The following NFIA variants were observed in gnomAD, a reference collection of about 807,000 sequenced individuals.
NFIA encodes the protein nuclear factor 1 A-type.
Under a neutral mutation model 62.8 loss-of-function variants are expected in NFIA, and 8 were observed. The observed-to-expected ratio is 0.13, with a 90% confidence interval of 0.07 to 0.23. NFIA has a LOEUF of 0.23. Ranked by LOEUF, NFIA falls within the 10% of genes least tolerant of loss-of-function variation. NFIA has a pLI of 1.00. For missense variants in NFIA, 410 were observed against 642.1 expected (o/e 0.64, Z 3.91); for synonymous variants, 235 against 238.1 (o/e 0.99, Z 0.12).
intron 2 of NFIA, among the ~76,000 whole-genome samples, chr1:61,153,352 A>G (rs921516664): frequency 6.6e-6 from 1 of 152,182 alleles, no homozygotes; most frequent in Non-Finnish European, 1.5e-5. Flanking sequence ...TTTTGTTGCT[A>G]TACTAAGGGT....
intron 6 of NFIA, among the ~76,000 whole-genome samples, chr1:61,359,560 TTTTTGTTTGTTTTG>T (rs1454295475): frequency 6.6e-6 from 1 of 152,204 alleles, no homozygotes; most frequent in Non-Finnish European, 1.5e-5. Context: ...GCTTTTGGTT[TTTTTGTTTGTTTTG>T]TTTTGTTTGT....
At chr1:61,397,951 T>G (rs550498262) in intron 7 of NFIA, among the ~76,000 whole-genome samples, 13 of 152,226 alleles carry the variant, frequency 8.5e-5, no homozygotes, top group Non-Finnish European at 8.8e-5. Flanking sequence ...GTGACCAGAT[T>G]GCTTTGGAAA....
At chr1:61,093,112 T>C (rs2100422388) in intron 2 of NFIA, among the ~76,000 whole-genome samples, 1 of 152,328 alleles carries the variant, frequency 6.6e-6, no homozygotes, top group South Asian at 2.1e-4. Context: ...TTTAGGTAAC[T>C]TCCTACATTA....
At chr1:61,120,515 A>G (rs1451774451) in intron 2 of NFIA, among the ~76,000 whole-genome samples, 1 of 152,204 alleles carries the variant, frequency 6.6e-6, no homozygotes, top group Non-Finnish European at 1.5e-5. Context: ...CACTTATTTC[A>G]TGTCTGCCGT....
At chr1:61,113,302 T>C (rs554197825) in intron 2 of NFIA, among the ~76,000 whole-genome samples, 81 of 152,004 alleles carry the variant, frequency 5.3e-4, no homozygotes, top group African/African-American at 1.7e-3. Context: ...AATGAGAATA[T>C]GTTTGGTGGG....
chr1:61,186,617 G>T (rs1408293534), intron 2 of NFIA, among the ~76,000 whole-genome samples: 3 of 152,208 alleles, frequency 2.0e-5, no homozygotes, highest in Non-Finnish European at 4.4e-5. Flanking sequence ...AATTGCCTCT[G>T]TTAAGTAGAC....
At chr1:61,435,246 C>A (rs1667274917) in intron 10 of NFIA, among the ~76,000 whole-genome samples, 1 of 152,188 alleles carries the variant, frequency 6.6e-6, no homozygotes, top group Non-Finnish European at 1.5e-5. Flanking sequence ...TCTCAGTGAT[C>A]TTGTGTATCT....
chr1:61,250,927 C>T (rs1196791797), intron 2 of NFIA: 3 of 152,184 alleles, frequency 2.0e-5, no homozygotes, highest in Admixed American at 2.0e-4. Context: ...ATTCCATAAA[C>T]TGCATACATC....
At chr1:61,154,444 C>T (rs1648647648) in intron 2 of NFIA, among the ~76,000 whole-genome samples, 1 of 152,242 alleles carries the variant, frequency 6.6e-6, no homozygotes, top group East Asian at 1.9e-4. Flanking sequence ...GCATGAGCCA[C>T]CACACCCGGC....
intron 10 of NFIA, among the ~76,000 whole-genome samples, chr1:61,431,459 C>T (rs183589835): frequency 2.7e-3 from 410 of 152,336 alleles, no homozygotes; most frequent in Middle Eastern, 0.014. Flanking sequence ...AAATCTATCA[C>T]TGTTTTGCAT....
intron 4 of NFIA, among the ~76,000 whole-genome samples, chr1:61,341,158 G>T (rs1435677270): frequency 6.7e-6 from 1 of 149,704 alleles, no homozygotes; most frequent in Non-Finnish European, 1.5e-5. Flanking sequence ...CCACCTTCCG[G>T]GTTCACACCA....
At chr1:61,353,688 A>T (rs1257942081) in intron 5 of NFIA, among the ~76,000 whole-genome samples, 1 of 152,188 alleles carries the variant, frequency 6.6e-6, no homozygotes, top group African/African-American at 2.4e-5. Context: ...CTTTAAAAAA[A>T]AGATCAACTT....
chr1:61,441,292 G>GGT (rs763246425), intron 10 of NFIA, among the ~76,000 whole-genome samples: 12,377 of 139,292 alleles, frequency 0.089, 622 homozygotes, highest in East Asian at 0.16. Context: ...GCCGTGCAGG[G>GGT]GTGTGTGTGT....
intron 2 of NFIA, among the ~76,000 whole-genome samples, chr1:61,138,738 C>T (rs936044066): frequency 6.6e-6 from 1 of 152,068 alleles, no homozygotes; most frequent in Non-Finnish European, 1.5e-5. Context: ...TGCTACTGCA[C>T]TCAGACTAAT....
chr1:61,161,580 A>C (rs1033339551), intron 2 of NFIA, among the ~76,000 whole-genome samples: 1 of 101,716 alleles, frequency 9.8e-6, no homozygotes, highest in African/African-American at 3.7e-5. Context: ...GACATGCGCC[A>C]TGTGCAACAC....
chr1:61,184,622 C>A (rs1187744162), intron 2 of NFIA, among the ~76,000 whole-genome samples: 1 of 152,220 alleles, frequency 6.6e-6, no homozygotes, highest in Non-Finnish European at 1.5e-5. Context: ...CCGACACACT[C>A]TAATTTTTTG....
At chr1:61,245,699 GT>G (rs898390049) in intron 2 of NFIA, among the ~76,000 whole-genome samples, 2 of 151,170 alleles carry the variant, frequency 1.3e-5, no homozygotes, top group Admixed American at 6.6e-5. Context: ...TTTTATTTTT[GT>G]TTTTTTTAAA....
intron 10 of NFIA, among the ~76,000 whole-genome samples, chr1:61,429,760 T>C: frequency 6.6e-6 from 1 of 152,234 alleles, no homozygotes; most frequent in East Asian, 1.9e-4. Context: ...AATTCTGACA[T>C]ATGCCACAAC....
chr1:61,168,856 T>C (rs1218860571), intron 2 of NFIA, among the ~76,000 whole-genome samples: 1 of 152,222 alleles, frequency 6.6e-6, no homozygotes, highest in Non-Finnish European at 1.5e-5. Flanking sequence ...TACCAACTTA[T>C]CAGCATTTCC....
Sources: gnomAD v4.1 joint callset for allele counts (sites outside exome capture counted in the v4.1 genomes callset) on GRCh38, gnomAD v4.1.1 for gene constraint, MANE v1.5 for transcripts, NCBI Gene and HGNC (gene_info 2026-07-23, HGNC 2026-07-21) for gene names.